HDAC9: variants seen among roughly 807,000 people sequenced by gnomAD.
HDAC9 encodes histone deacetylase 9, also known as MEF-2 interacting transcription repressor (MITR) protein.
A neutral mutation model predicts 139.4 loss-of-function variants in HDAC9; 41 were observed. That is an observed-to-expected ratio of 0.29 (90% CI 0.23 to 0.38). The LOEUF (loss-of-function observed/expected upper bound fraction) is 0.38, where lower values mean the gene tolerates loss of function less well. HDAC9 is among the 10% of genes least tolerant of loss of function. The pLI is 1.00. For missense variants in HDAC9, 1,147 were observed against 1,297.0 expected, an observed-to-expected ratio of 0.88 and a Z score of 1.78; for synonymous variants, 517 against 476.2, an observed-to-expected ratio of 1.09 and a Z score of -1.12.
chr7:18,603,990 A>T (rs1052463495), intron 6 of HDAC9, among the ~76,000 whole-genome samples: 6 of 152,044 alleles, frequency 3.9e-5, no homozygotes, highest in African/African-American at 1.4e-4. Flanking sequence ...TCTAAATCTT[A>T]TCCTTGTTGC....
At chr7:18,186,871 C>T (rs1202339292) in intron 2 of HDAC9, among the ~76,000 whole-genome samples, 3 of 152,150 alleles carry the variant, frequency 2.0e-5, no homozygotes, top group South Asian at 4.1e-4. Flanking sequence ...AATTGGAAGT[C>T]TTTATCTCTT....
chr7:18,881,177 C>A (rs1052671775), intron 22 of HDAC9, among the ~76,000 whole-genome samples: 1 of 152,132 alleles, frequency 6.6e-6, no homozygotes, highest in African/African-American at 2.4e-5. Flanking sequence ...CTTCTGCTAA[C>A]AATGCGTGTA....
chr7:18,776,180 C>A (rs1376372861), intron 16 of HDAC9, among the ~76,000 whole-genome samples: 1 of 152,018 alleles, frequency 6.6e-6, no homozygotes, highest in Non-Finnish European at 1.5e-5. Flanking sequence ...CTGCCTCAAG[C>A]AATCCTGCCA....
At chr7:18,929,251 A>G (rs1804511385) in intron 22 of HDAC9, among the ~76,000 whole-genome samples, 1 of 152,212 alleles carries the variant, frequency 6.6e-6, no homozygotes, top group Non-Finnish European at 1.5e-5. Context: ...CCTATAAAGT[A>G]TCAGGAAATC....
At chr7:18,510,175 A>G (rs776012894) in intron 2 of HDAC9, among the ~76,000 whole-genome samples, 1 of 152,194 alleles carries the variant, frequency 6.6e-6, no homozygotes, top group Non-Finnish European at 1.5e-5. Context: ...ATGACCTCCA[A>G]TGCTTTAACA....
intron 22 of HDAC9, among the ~76,000 whole-genome samples, chr7:18,883,689 G>C (rs1799906580): frequency 6.6e-6 from 1 of 151,942 alleles, no homozygotes; most frequent in African/African-American, 2.4e-5. Context: ...TCTATCCAGA[G>C]AAATTAGACA....
intron 6 of HDAC9, among the ~76,000 whole-genome samples, chr7:18,612,931 TG>T (rs1562576894): frequency 1.3e-5 from 2 of 151,814 alleles, no homozygotes; most frequent in Non-Finnish European, 2.9e-5. Flanking sequence ...TGTTAAAATT[TG>T]AAACTTTAGG....
At chr7:18,393,042 A>C (rs542957248) in intron 1 of HDAC9, among the ~76,000 whole-genome samples, 1 of 152,044 alleles carries the variant, frequency 6.6e-6, no homozygotes, top group South Asian at 2.1e-4. Flanking sequence ...GGGAATGGGC[A>C]GAACAGTGAT....
At chr7:18,946,640 A>C (rs1351714468) in intron 23 of HDAC9, among the ~76,000 whole-genome samples, 1 of 152,116 alleles carries the variant, frequency 6.6e-6, no homozygotes, top group Non-Finnish European at 1.5e-5. Flanking sequence ...TTTTGTGTCT[A>C]AGACAGCATG....
chr7:18,162,221 T>G, intron 1 of HDAC9: 1 of 949,130 alleles, frequency 1.1e-6, no homozygotes, highest in East Asian at 2.6e-5. Flanking sequence ...ATTTTTCTTA[T>G]GTTCTAGGTT....
intron 1 of HDAC9, among the ~76,000 whole-genome samples, chr7:18,427,488 C>T (rs1790226904): frequency 1.3e-5 from 2 of 151,832 alleles, no homozygotes; most frequent in Non-Finnish European, 2.9e-5. Flanking sequence ...ACACAAGCAG[C>T]CTCCCTTGAC....
chr7:18,867,160 A>G (rs1240371585), intron 21 of HDAC9, among the ~76,000 whole-genome samples: 4 of 152,216 alleles, frequency 2.6e-5, no homozygotes, highest in Non-Finnish European at 5.9e-5. Flanking sequence ...CATGCAGGGA[A>G]GAAGGAAGAG....
chr7:18,666,269 A>T lies in HDAC9; in HGVS notation c.1524A>T (p.Ala508=). ...LKQPGSHLEE[A]EEELQGDQAM... is the part of the protein sequence containing the mutation. The stretch of plus-strand genomic sequence containing the variant: ...AACCAGGCAGTCACCTTGAGGAAGC[A>T]GAGGAAGAGCTTCAGGGGGACCAGG... The change falls in exon 12 of 26, where the codon GCA becomes GCT. Residue 508 remains alanine, a synonymous_variant. Transcript: ENST00000686413. The T allele has an allele frequency of 6.2e-7, 1 of 1,613,422 alleles. No homozygotes were observed. Among genetic ancestry groups the T allele is most frequent in the Non-Finnish European group, 8.5e-7 (1 of 1,179,558 alleles).
chr7:18,101,717 A>C (rs1782873848), intron 1 of HDAC9, among the ~76,000 whole-genome samples: 1 of 152,196 alleles, frequency 6.6e-6, no homozygotes, highest in South Asian at 2.1e-4. Flanking sequence ...ATCATGCTTG[A>C]TGCTTTTATC....
At chr7:18,132,639 G>A (rs922244584) in intron 1 of HDAC9, among the ~76,000 whole-genome samples, 1 of 152,064 alleles carries the variant, frequency 6.6e-6, no homozygotes, top group Non-Finnish European at 1.5e-5. Context: ...TTATGTGGAA[G>A]AAATTAATAA....
intron 22 of HDAC9, among the ~76,000 whole-genome samples, chr7:18,908,421 T>A (rs1802464883): frequency 6.6e-6 from 1 of 152,132 alleles, no homozygotes; most frequent in Non-Finnish European, 1.5e-5. Flanking sequence ...CTTCTAGCTA[T>A]TGGAAAACAG....
intron 22 of HDAC9, among the ~76,000 whole-genome samples, chr7:18,896,418 G>A (rs1801203579): frequency 6.6e-6 from 1 of 151,962 alleles, no homozygotes; most frequent in South Asian, 2.1e-4. Flanking sequence ...AAAGCACAAG[G>A]TAGAAACTTA....
intron 16 of HDAC9, among the ~76,000 whole-genome samples, chr7:18,784,032 C>T (rs1221435875): frequency 7.9e-5 from 12 of 151,902 alleles, no homozygotes; most frequent in Non-Finnish European, 1.8e-4. Flanking sequence ...TGTCTATGTC[C>T]CCATTGTGGC....
chr7:18,861,071 G>T (rs547999409), intron 21 of HDAC9, among the ~76,000 whole-genome samples: 8 of 152,088 alleles, frequency 5.3e-5, no homozygotes, highest in Admixed American at 1.3e-4. Flanking sequence ...TATGTTACTG[G>T]ACTCACATTT....
Sources: gnomAD v4.1 joint callset for allele counts (sites outside exome capture counted in the v4.1 genomes callset) on GRCh38, gnomAD v4.1.1 for gene constraint, MANE v1.5 for transcripts, NCBI Gene and HGNC (gene_info 2026-07-23, HGNC 2026-07-21) for gene names.